The following ABTB2 variants were observed in gnomAD, a reference collection of about 807,000 sequenced individuals.
ABTB2 encodes ankyrin repeat and BTB domain containing 2, also known as ankyrin repeat and BTB/POZ domain-containing protein 2.
ABTB2 carries 56 observed loss-of-function variants against 104.1 expected under a neutral mutation model. That is an observed-to-expected ratio of 0.54 (90% confidence interval 0.43 to 0.67). The LOEUF (loss-of-function observed/expected upper bound fraction) is 0.67. ABTB2 is among the 30% of genes least tolerant of loss of function. The probability of loss-of-function intolerance (pLI) is 0.00; values close to 1 mark genes in which losing one functional copy is unlikely to be tolerated. For missense variants in ABTB2, 1,279 were observed against 1,407.7 expected (o/e 0.91, Z 1.46); for synonymous variants, 606 against 608.2 (o/e 1.00, Z 0.05).
At chr11:34,171,706 A>G (rs935302572) in intron 4 of ABTB2, among the ~76,000 whole-genome samples, 5 of 152,030 alleles carry the variant, frequency 3.3e-5, no homozygotes, top group Non-Finnish European at 7.4e-5. Flanking sequence ...TCCCACCCAG[A>G]CTCATGCCTC....
intron 3 of ABTB2, among the ~76,000 whole-genome samples, chr11:34,191,788 G>C (rs560881942): frequency 6.6e-6 from 1 of 152,166 alleles, no homozygotes; most frequent in Non-Finnish European, 1.5e-5. Context: ...TGTGTGTCTT[G>C]GCCAACAAGG....
chr11:34,304,598 T>C (rs1234281199), intron 1 of ABTB2, among the ~76,000 whole-genome samples: 1 of 151,774 alleles, frequency 6.6e-6, no homozygotes, highest in Non-Finnish European at 1.5e-5. Context: ...GATAGGTGGA[T>C]CACTTGAGCC....
intron 3 of ABTB2, chr11:34,189,055 C>T (rs2133030436): frequency 6.6e-6 from 1 of 152,330 alleles, no homozygotes; most frequent in African/African-American, 2.4e-5. Flanking sequence ...ATTTGATCCT[C>T]ATCCCACAGC....
chr11:34,193,227 T>C (rs1056309363), intron 3 of ABTB2, among the ~76,000 whole-genome samples: 3 of 152,240 alleles, frequency 2.0e-5, no homozygotes, highest in African/African-American at 7.2e-5. Flanking sequence ...TGACACACCC[T>C]GCAGGGCAGC....
chr11:34,343,600 G>A (rs753571068), intron 1 of ABTB2, among the ~76,000 whole-genome samples: 2 of 151,888 alleles, frequency 1.3e-5, no homozygotes, highest in South Asian at 2.1e-4. Flanking sequence ...TCAGTCTCCC[G>A]AGTAGCTGGG....
At position 34,173,222 on chromosome 11, in the gene ABTB2, T is replaced by C; in HGVS notation, c.1330A>G (p.Ser444Gly). 6.2e-7 allele frequency: 1 copy of C among 1,613,538 alleles called. No homozygotes were observed. The highest frequency in any genetic ancestry group is 1.1e-5 in the South Asian group (1 of 91,022). The change falls in exon 4 of 17, where the codon AGC (serine) becomes GGC (glycine). Residue 444 changes from serine (S) to glycine (G), a missense_variant. Physicochemically the swap from Ser to Gly is moderately conservative, Grantham distance 56. Transcript: ENST00000435224. ...AEHRRSLTVD[S>G]GDIRQAARLL... ...CGGGCTGCCTGCCGGATGTCGCCGCTGTCCACGGTGAGGCTGCGGCGGTGC... is the reference window on the plus strand; with the variant it reads ...CGGGCTGCCTGCCGGATGTCGCCGCCGTCCACGGTGAGGCTGCGGCGGTGC...
intron 11 of ABTB2, 146 bp from the exon 12 acceptor site, chr11:34,160,499 G>A: frequency 3.0e-6 from 2 of 661,688 alleles, no homozygotes; most frequent in Non-Finnish European, 5.5e-6. Flanking sequence ...CTTGGCAAGA[G>A]ATGCCTGTTC....
At chr11:34,203,254 C>T (rs1159858785) in intron 2 of ABTB2, among the ~76,000 whole-genome samples, 1 of 152,232 alleles carries the variant, frequency 6.6e-6, no homozygotes, top group Admixed American at 6.5e-5. Flanking sequence ...CTCATCAGGA[C>T]ATAACTTGCT....
intron 1 of ABTB2, among the ~76,000 whole-genome samples, chr11:34,238,079 T>A (rs76758865): frequency 0.028 from 4,216 of 152,230 alleles, 191 homozygotes; most frequent in African/African-American, 0.097. Context: ...AAATAAATTT[T>A]AAAAAATATT....
intron 3 of ABTB2, among the ~76,000 whole-genome samples, chr11:34,195,981 A>T (rs1853250448): frequency 6.6e-6 from 1 of 152,150 alleles, no homozygotes; most frequent in Non-Finnish European, 1.5e-5. Context: ...CAGGTGGGGC[A>T]CTGAGGCCCG....
chr11:34,324,072 A>G (rs1855039207), intron 1 of ABTB2, among the ~76,000 whole-genome samples: 1 of 151,726 alleles, frequency 6.6e-6, no homozygotes, highest in African/African-American at 2.4e-5. Flanking sequence ...CACCATACCC[A>G]GTTAGTTTTT....
chr11:34,315,694 G>A (rs1227405795), intron 1 of ABTB2, among the ~76,000 whole-genome samples: 4 of 152,162 alleles, frequency 2.6e-5, no homozygotes, highest in African/African-American at 9.7e-5. Context: ...GCCGTAGCCC[G>A]GAGGCTTTAC....
chr11:34,152,233 G>A lies in ABTB2; in HGVS notation c.*154C>T. ...CAAACAGCTCTAGGGCAGAGGAGAT[G>A]AGGGTGAGCTGCCCGGTGACAGGGG... On this transcript the variant is annotated 3_prime_UTR_variant, in exon 17 of 17. Transcript: ENST00000435224. The A allele has an allele frequency of 1.3e-6, 1 of 789,992 alleles. No homozygotes were observed. Among genetic ancestry groups the A allele is most frequent in the East Asian group, 2.7e-5 (1 of 37,018 alleles). The allele number at this position is 789,992 out of a possible 1,614,324, so 48.9% of individuals were successfully genotyped here.
chr11:34,294,567 G>C (rs1364086447), intron 1 of ABTB2, among the ~76,000 whole-genome samples: 1 of 152,100 alleles, frequency 6.6e-6, no homozygotes. Context: ...ATGAGGCCAG[G>C]TGAAAAGACT....
chr11:34,302,451 A>C (rs979723608), intron 1 of ABTB2, among the ~76,000 whole-genome samples: 4 of 152,216 alleles, frequency 2.6e-5, no homozygotes, highest in Non-Finnish European at 4.4e-5. Flanking sequence ...TACTTGGGAA[A>C]CTTGAGAGCA....
chr11:34,312,140 C>CAA (rs67673538), intron 1 of ABTB2, among the ~76,000 whole-genome samples: 2,711 of 111,092 alleles, frequency 0.024, 32 homozygotes, highest in Non-Finnish European at 0.03. Flanking sequence ...GACTCCATCT[C>CAA]AAAAAAAAAA....
At chr11:34,290,804 A>C (rs556321038) in intron 1 of ABTB2, among the ~76,000 whole-genome samples, 2 of 152,364 alleles carry the variant, frequency 1.3e-5, no homozygotes, top group Admixed American at 6.5e-5. Flanking sequence ...CGGATGGATA[A>C]GTGTCTCCAG....
chr11:34,208,808 A>C (rs941420860), intron 1 of ABTB2, among the ~76,000 whole-genome samples: 3 of 151,804 alleles, frequency 2.0e-5, no homozygotes. Flanking sequence ...TCAACCACCA[A>C]GCCTTGCTGC....
At position 34,182,497 on chromosome 11, in the gene ABTB2, T is replaced by TGGGG. The variant is rs1157886289; in HGVS notation, c.1245-9194_1245-9191dup. Among the ~76,000 whole-genome samples, 108 of 69,788 alleles carry TGGGG rather than the reference T, an allele frequency of 1.5e-3. 2 individuals carry two copies. Among genetic ancestry groups the TGGGG allele is most frequent in the African/African-American group, 7.9e-3 (91 of 11,542 alleles). 45.8% of individuals were successfully genotyped at this position (69,788 alleles called of 152,430 possible). A position where few individuals can be genotyped will look rare whatever the true frequency, so the allele number is the denominator to read the frequency against. On this transcript the variant is annotated intron_variant, in intron 3 of 16. Transcript: ENST00000435224. ...GCTTGAGGTGGGGCATTGGGTTCTC[T>TGGGG]GGGGGGGGGGGGAAATTCACTTTTC...
Sources: gnomAD v4.1 joint callset for allele counts (sites outside exome capture counted in the v4.1 genomes callset) on GRCh38, gnomAD v4.1.1 for gene constraint, MANE v1.5 for transcripts, NCBI Gene and HGNC (gene_info 2026-07-23, HGNC 2026-07-21) for gene names.